The following EMC1 variants were observed in gnomAD, a reference collection of about 807,000 sequenced individuals.
EMC1 encodes the protein KIAA0090.
In EMC1, 103 loss-of-function variants were observed where a neutral mutation model predicts 128.8. The ratio of observed to expected loss-of-function variants is 0.80; its 90% CI spans 0.68 to 0.94. The LOEUF is 0.94. Ranked by LOEUF, EMC1 falls within the 40% of genes least tolerant of loss-of-function variation. The probability of loss-of-function intolerance (pLI) is 0.00; values close to 1 mark genes in which losing one functional copy is unlikely to be tolerated. For missense variants in EMC1, 1,083 were observed against 1,250.6 expected, an observed-to-expected ratio of 0.87 and a Z score of 2.02; for synonymous variants, 442 against 490.4, an observed-to-expected ratio of 0.90 and a Z score of 1.30.
chr1:19,221,635 C>CAAAAAAA (rs34802728), intron 20 of EMC1: 2 of 66,216 alleles, frequency 3.0e-5, no homozygotes, highest in Non-Finnish European at 3.1e-5. Context: ...GACTCTGTCT[C>CAAAAAAA]AAAAAAAAAA....
intron 1 of EMC1, among the ~76,000 whole-genome samples, chr1:19,249,826 G>C (rs965767540): frequency 3.4e-4 from 52 of 152,050 alleles, no homozygotes; most frequent in Non-Finnish European, 4.4e-5. Flanking sequence ...GGCTGAGCTG[G>C]GAGGGTCACT....
rs557550343 is a variant in EMC1 at position 19,223,276 on chromosome 1, C to T, written c.2376+120G>A. 6.5e-6 allele frequency: 6 copies of T among 920,576 alleles called. 1 individual carries two copies. The South Asian group carries it at 9.7e-5, about 15-fold the overall frequency. The allele number at this position is 920,576 out of a possible 1,614,324, so 57.0% of individuals were successfully genotyped here. A position where few individuals can be genotyped will look rare whatever the true frequency, so the allele number is the denominator to read the frequency against. The stretch of plus-strand genomic sequence containing the variant: ...CCAGTGCCCTAACCGGCACGCTTTG[C>T]TGCCATCCAGGGAATTTGAGATCCT... On this transcript the variant is annotated intron_variant, in intron 19 of 22. Transcript: ENST00000477853.
intron 13 of EMC1, among the ~76,000 whole-genome samples, chr1:19,234,562 T>TC (rs1200212289): frequency 6.6e-6 from 1 of 152,090 alleles, no homozygotes; most frequent in Non-Finnish European, 1.5e-5. Context: ...AAGACTTTAT[T>TC]CCCCCCAGGC....
chr1:19,247,509 G>A (rs956451961), intron 1 of EMC1, among the ~76,000 whole-genome samples: 3 of 152,096 alleles, frequency 2.0e-5, no homozygotes, highest in Admixed American at 6.6e-5. Flanking sequence ...CATTGTAGTC[G>A]AATGCATTAA....
At chr1:19,246,372 A>G (rs1000417871) in intron 1 of EMC1, among the ~76,000 whole-genome samples, 2 of 152,238 alleles carry the variant, frequency 1.3e-5, no homozygotes, top group African/African-American at 2.4e-5. Context: ...CCTGGGCGAC[A>G]GAGTGGGCCT....
rs147294657 is a variant in EMC1, at chr1:19,237,663, G to A, written c.1212+354C>T. On this transcript the variant is annotated intron_variant, in intron 11 of 22. Transcript: ENST00000477853. ...GTGGGGTTAGACCTGAATCTGAACC[G>A]CAGTGACACCTCTTACTGGCTCCGT... is the stretch of plus-strand genomic sequence containing the variant. Among the ~76,000 whole-genome samples the A allele has an allele frequency of 7.1e-3, 1,077 of 152,294 alleles. 14 individuals are homozygous for A. The highest frequency in any genetic ancestry group is 0.037 in the South Asian group (179 of 4,816).
intron 21 of EMC1, chr1:19,219,979 G>A: frequency 2.5e-6 from 1 of 392,290 alleles, no homozygotes; most frequent in East Asian, 4.6e-5. Context: ...ACCACAAGAG[G>A]AAAGCCGACC....
intron 2 of EMC1, 109 bp from the exon 3 acceptor site, chr1:19,244,124 C>T (rs901920338): frequency 6.5e-6 from 7 of 1,071,264 alleles, no homozygotes; most frequent in African/African-American, 3.1e-5. Flanking sequence ...AATTTTATCT[C>T]GAGGGAGTGA....
At chr1:19,242,816 C>T (rs1008620231) in intron 4 of EMC1, among the ~76,000 whole-genome samples, 2 of 152,200 alleles carry the variant, frequency 1.3e-5, no homozygotes, top group African/African-American at 4.8e-5. Flanking sequence ...CAATGGACAG[C>T]GGAATCCTCA....
chr1:19,233,138 G>A lies in EMC1; in HGVS notation c.1433-3C>T, dbSNP rs750043864. ...CAGGAACATCCCCAGCAAGCCATCT[G>A]GTGTAAAGGAAAAGTAACATACTCT... On this transcript the variant is annotated splice_polypyrimidine_tract_variant and splice_region_variant and intron_variant, in intron 13 of 22. Coordinates refer to ENST00000477853, the MANE Select transcript of EMC1 (RefSeq NM_015047.3). The A allele has an allele frequency of 2.2e-5, 36 of 1,612,768 alleles. No individual in the cohort carries two copies. The highest frequency in any genetic ancestry group is 3.0e-5 in the Non-Finnish European group (35 of 1,179,292).
At chr1:19,221,103 GAT>G (rs2093427868) in intron 20 of EMC1, 2 of 302,776 alleles carry the variant, frequency 6.6e-6, no homozygotes, top group Non-Finnish European at 6.1e-6. Flanking sequence ...TATGGATAAT[GAT>G]GAAAGAGAAA....
intron 13 of EMC1, among the ~76,000 whole-genome samples, chr1:19,234,528 T>A (rs192024174): frequency 1.3e-4 from 20 of 152,286 alleles, no homozygotes; most frequent in Middle Eastern, 3.4e-3. Context: ...ACACAGGCAA[T>A]GGTAGCTATT....
intron 1 of EMC1, among the ~76,000 whole-genome samples, chr1:19,248,181 T>C (rs374832379): frequency 2.6e-5 from 4 of 152,074 alleles, no homozygotes; most frequent in East Asian, 1.9e-4. Context: ...GGCTAATGTG[T>C]TTGTGTCTTA....
intron 21 of EMC1, 130 bp from the exon 22 acceptor site, chr1:19,219,828 A>G (rs2093417879): frequency 1.5e-5 from 15 of 976,968 alleles, no homozygotes; most frequent in Non-Finnish European, 2.3e-5. Flanking sequence ...GTCTGCTTGC[A>G]TTAGGTAGTT....
Position 19,244,961 on chromosome 1 carries a change from A to G in EMC1, c.165T>C (p.Val55=), listed in dbSNP as rs766679492. The G allele has an allele frequency of 1.9e-6, 3 of 1,614,044 alleles. No individual in the cohort carries two copies. The Admixed American group carries it at 5.0e-5, about 27-fold the overall frequency. The change falls in exon 2 of 23, where the codon GTT becomes GTC. Residue 55 remains valine (V), a synonymous_variant. Coordinates refer to ENST00000477853, the MANE Select transcript of EMC1 (RefSeq NM_015047.3). ...LEFSPGSKKL[V]VATEKNVIAA... ...CAATCACATTCTTCTCTGTGGCTAC[A>G]ACCAACTTCTTGGATCCAGGGGAAA...
chr1:19,245,523 A>G (rs947495632), intron 1 of EMC1, among the ~76,000 whole-genome samples: 5 of 152,218 alleles, frequency 3.3e-5, no homozygotes, highest in Non-Finnish European at 7.3e-5. Flanking sequence ...AAAGAGAGTA[A>G]GAGAAGAAAA....
chr1:19,226,959 C>T (rs943043543), intron 18 of EMC1, among the ~76,000 whole-genome samples: 20 of 151,652 alleles, frequency 1.3e-4, no homozygotes, highest in Admixed American at 9.2e-4. Context: ...CCCAGGAGGA[C>T]GAAGCTGCAG....
In EMC1 at chr1:19,234,058, A is replaced by G. The variant is rs549672058; in HGVS notation, c.1433-923T>C. ...ACAACTCACAAGCATGGCAGTCAAC[A>G]CACACACACACACACCCCAAGGATG... On this transcript the variant is annotated intron_variant, in intron 13 of 22. Coordinates refer to ENST00000477853, the MANE Select transcript of EMC1 (RefSeq NM_015047.3). The G allele has an allele frequency of 2.3e-4, 67 of 297,334 alleles. 1 individual carries two copies. Among genetic ancestry groups the G allele is most frequent in the Middle Eastern group, 1.7e-3 (1 of 576 alleles). 18.4% of individuals were successfully genotyped at this position (297,334 alleles called of 1,614,324 possible). A position where few individuals can be genotyped will look rare whatever the true frequency, so the allele number is the denominator to read the frequency against.
At chr1:19,239,139 AG>A in intron 9 of EMC1, 91 bp downstream of exon 9, 1 of 1,223,428 alleles carries the variant, frequency 8.2e-7, no homozygotes, top group Non-Finnish European at 1.2e-6. Flanking sequence ...CAAACTGACC[AG>A]GTCAATGTGC....
Sources: gnomAD v4.1 joint callset for allele counts (sites outside exome capture counted in the v4.1 genomes callset) on GRCh38, gnomAD v4.1.1 for gene constraint, MANE v1.5 for transcripts, NCBI Gene and HGNC (gene_info 2026-07-23, HGNC 2026-07-21) for gene names.